Variants in EIF4E3 observed in about 807,000 individuals in gnomAD.
The protein encoded by EIF4E3 is eukaryotic translation initiation factor 4E type 3.
EIF4E3 carries 26 observed loss-of-function variants against 31.7 expected under a neutral mutation model. The ratio of observed to expected loss-of-function variants is 0.82; its 90% CI spans 0.60 to 1.14. The LOEUF is 1.14. EIF4E3 is among the 50% of genes most tolerant of loss of function. EIF4E3 has a pLI of 0.00. For synonymous variants in EIF4E3, 128 were observed against 107.7 expected (o/e 1.19, Z -1.17); for missense variants, 304 against 270.9 (o/e 1.12, Z -0.86).
downstream of EIF4E3, among the ~76,000 whole-genome samples, chr3:71,670,675 AAAC>A (rs1284940268): frequency 2.0e-5 from 3 of 152,188 alleles, no homozygotes; most frequent in Admixed American, 2.0e-4. Context: ...TGGAATTTTA[AAAC>A]AACTGGCCAC....
intron 1 of EIF4E3, among the ~76,000 whole-genome samples, chr3:71,715,099 T>C (rs1216261431): frequency 6.6e-6 from 1 of 152,180 alleles, no homozygotes; most frequent in African/African-American, 2.4e-5. Flanking sequence ...CTTGGCAATA[T>C]CTGAAGACAT....
At chr3:71,748,207 AT>A (rs11328541) in intron 1 of EIF4E3, among the ~76,000 whole-genome samples, 118,136 of 151,456 alleles carry the variant, frequency 0.78, 46,255 homozygotes, top group South Asian at 0.86. Context: ...TTTATATGTG[AT>A]TTTTTTTTTC....
intron 1 of EIF4E3, among the ~76,000 whole-genome samples, chr3:71,737,815 T>A (rs2049779362): frequency 6.6e-6 from 1 of 151,986 alleles, no homozygotes; most frequent in Non-Finnish European, 1.5e-5. Context: ...CAACAGAGAT[T>A]TTTTTCATAG....
In EIF4E3 at chr3:71,732,733, T is replaced by G. The variant is rs530690136; in HGVS notation, c.-290-4110A>C. 7.3e-4 allele frequency among the ~76,000 whole-genome samples: 111 copies of G among 152,336 alleles called. No individual in the cohort carries two copies. The Middle Eastern group carries it at 0.01, about 14-fold the overall frequency. On this transcript the variant is annotated intron_variant, in intron 1 of 7. Coordinates refer to the EIF4E3 transcript ENST00000295612. The stretch of plus-strand genomic sequence containing the variant: ...GAGCCGGCAGGCCTCAAATTGGTCT[T>G]CAGCAATTTTTAAAAGAAAGGAAAC...
At chr3:71,701,219 T>C (rs569498034) in intron 2 of EIF4E3, among the ~76,000 whole-genome samples, 18 of 152,280 alleles carry the variant, frequency 1.2e-4, no homozygotes, top group African/African-American at 4.3e-4. Context: ...AATAAAGTAA[T>C]AGTAAAACAG....
Position 71,689,517 on chromosome 3 carries a change from T to A in EIF4E3, c.628+493A>T, listed in dbSNP as rs181487580. 2.3e-4 allele frequency among the ~76,000 whole-genome samples: 35 copies of A among 152,330 alleles called. No individual in the cohort carries two copies. In the East Asian group the frequency reaches 4.0e-3, roughly 18 times the overall value. Reference sequence around the variant, plus strand: ...GCGTGAATTCTCCCTCAGTTCTGTGTCATAGTCATTCATAATGAGGAAGTA... The same window carrying A: ...GCGTGAATTCTCCCTCAGTTCTGTGACATAGTCATTCATAATGAGGAAGTA... On this transcript the variant is annotated intron_variant, in intron 6 of 6. Coordinates refer to ENST00000425534, the MANE Select transcript of EIF4E3 (RefSeq NM_001134651.2).
chr3:71,689,324 G>T (rs916612204), intron 6 of EIF4E3, among the ~76,000 whole-genome samples: 1 of 152,146 alleles, frequency 6.6e-6, no homozygotes, highest in Non-Finnish European at 1.5e-5. Flanking sequence ...TCTGTTAAAT[G>T]TGTGACCTGC....
At chr3:71,701,805 A>G (rs1470761970) in intron 2 of EIF4E3, among the ~76,000 whole-genome samples, 1 of 152,222 alleles carries the variant, frequency 6.6e-6, no homozygotes, top group East Asian at 1.9e-4. Context: ...GCAAAAAACT[A>G]CAGGATGACA....
Position 71,676,616 on chromosome 3 carries a change from C to A in EIF4E3, c.*8066G>T, listed in dbSNP as rs1177071121. On this transcript the variant is annotated 3_prime_UTR_variant, in exon 7 of 7. Coordinates refer to ENST00000425534, the MANE Select transcript of EIF4E3 (RefSeq NM_001134651.2). ...CTTTATTACACTTTTAAAAATACTTCTTAAAATGTATTTTACAATGAAAAC... is the reference window on the plus strand; with the variant it reads ...CTTTATTACACTTTTAAAAATACTTATTAAAATGTATTTTACAATGAAAAC... The A allele has an allele frequency of 6.6e-6, 1 of 152,080 alleles. No homozygotes were observed. The highest frequency in any genetic ancestry group is 1.5e-5 in the Non-Finnish European group (1 of 68,026). The allele number at this position is 152,080 out of a possible 1,614,324, so 9.4% of individuals were successfully genotyped here.
At chr3:71,732,391 C>A (rs936613109) in intron 1 of EIF4E3, among the ~76,000 whole-genome samples, 7 of 149,914 alleles carry the variant, frequency 4.7e-5, no homozygotes, top group Non-Finnish European at 1.5e-5. Flanking sequence ...AAAAAAAAAT[C>A]TCTTCCCTGA....
At position 71,712,553 on chromosome 3, in the gene EIF4E3, A is replaced by G. The variant is rs918824068; in HGVS notation, c.177-2069T>C. ...TCTGACTGCTCTACTACATATGCCC[A>G]GTAAATACATTCCTGGATCCCCCAA... On this transcript the variant is annotated intron_variant, in intron 1 of 6. Transcript: ENST00000425534. Among the ~76,000 whole-genome samples the G allele has an allele frequency of 2.1e-5, 3 of 140,930 alleles. No homozygotes were observed. In the Admixed American group the frequency reaches 2.2e-4, roughly 10 times the overall value. The allele number at this position is 140,930 out of a possible 152,430, so 92.5% of individuals were successfully genotyped here. A position where few individuals can be genotyped will look rare whatever the true frequency, so the allele number is the denominator to read the frequency against.
At chr3:71,666,144 A>C in the EIF4E3 span, among the ~76,000 whole-genome samples, 1 of 152,210 alleles carries the variant, frequency 6.6e-6, no homozygotes, top group Non-Finnish European at 1.5e-5. Flanking sequence ...TCAAAAAATC[A>C]ATGAATCCAG....
Position 71,683,407 on chromosome 3 carries a change from T to C in EIF4E3, c.*1275A>G, listed in dbSNP as rs1167977422. ...GCCGACTGGGGGAAGTGTCTTCAGA[T>C]GGCCCTGCCCTTTATCAGGCAAAAG... On this transcript the variant is annotated 3_prime_UTR_variant, in exon 7 of 7. Coordinates refer to ENST00000425534, the MANE Select transcript of EIF4E3 (RefSeq NM_001134651.2). The C allele has an allele frequency of 6.6e-6, 1 of 152,216 alleles. No individual in the cohort carries two copies. Among genetic ancestry groups the C allele is most frequent in the Non-Finnish European group, 1.5e-5 (1 of 68,064 alleles). 9.4% of individuals were successfully genotyped at this position (152,216 alleles called of 1,614,324 possible).
intron 1 of EIF4E3, among the ~76,000 whole-genome samples, chr3:71,711,266 T>C (rs2049374959): frequency 6.6e-6 from 1 of 152,204 alleles, no homozygotes; most frequent in Non-Finnish European, 1.5e-5. Flanking sequence ...TTTCTCTCTA[T>C]ATTGAATTAG....
intron 1 of EIF4E3, among the ~76,000 whole-genome samples, chr3:71,710,775 A>G (rs1475346470): frequency 6.6e-6 from 1 of 152,242 alleles, no homozygotes; most frequent in African/African-American, 2.4e-5. Flanking sequence ...ACATTTTAAA[A>G]CATACCAAAA....
chr3:71,660,555 T>TA, the EIF4E3 span, among the ~76,000 whole-genome samples: 1 of 152,136 alleles, frequency 6.6e-6, no homozygotes, highest in Non-Finnish European at 1.5e-5. Flanking sequence ...GAGGGATCCT[T>TA]AGAGCCTAGA....
intron 4 of EIF4E3, among the ~76,000 whole-genome samples, chr3:71,695,528 C>T (rs77598339): frequency 0.016 from 2,426 of 152,254 alleles, 44 homozygotes; most frequent in African/African-American, 0.037. Context: ...ACCTTATATT[C>T]CCTCATTCTC....
intron 2 of EIF4E3, among the ~76,000 whole-genome samples, chr3:71,708,867 T>G (rs969855633): frequency 5.9e-5 from 9 of 152,268 alleles, no homozygotes; most frequent in Non-Finnish European, 8.8e-5. Context: ...TGCCTTGAGG[T>G]GCTGTCTGTA....
At position 71,678,262 on chromosome 3, in the gene EIF4E3, T is replaced by C. The variant is rs2048889518; in HGVS notation, c.*6420A>G. 1 of 152,120 alleles carries C rather than the reference T, an allele frequency of 6.6e-6. No individual in the cohort carries two copies. The highest frequency in any genetic ancestry group is 2.4e-5 in the African/African-American group (1 of 41,432). 9.4% of individuals were successfully genotyped at this position (152,120 alleles called of 1,614,324 possible). A position where few individuals can be genotyped will look rare whatever the true frequency, so the allele number is the denominator to read the frequency against. On this transcript the variant is annotated 3_prime_UTR_variant, in exon 7 of 7. Transcript: ENST00000425534. ...CATTTCTATACTATAAGAACCTCAA[T>C]ACAGAATGAGAATTAGTAGCAACAG...
Sources: gnomAD v4.1 joint callset for allele counts (sites outside exome capture counted in the v4.1 genomes callset) on GRCh38, gnomAD v4.1.1 for gene constraint, MANE v1.5 for transcripts, NCBI Gene and HGNC (gene_info 2026-07-23, HGNC 2026-07-21) for gene names.